ZNF282: variants seen among roughly 807,000 people sequenced by gnomAD.
ZNF282 encodes HTLV-I U5 repressive element-binding protein 1.
In ZNF282, 30 loss-of-function variants were observed where a neutral mutation model predicts 61.9. The observed-to-expected ratio is 0.48, with a 90% CI of 0.36 to 0.66. The LOEUF (loss-of-function observed/expected upper bound fraction) is 0.66. Ranked by LOEUF, ZNF282 falls within the 30% of genes least tolerant of loss-of-function variation. The pLI is 0.00. For missense variants in ZNF282, 788 were observed against 941.4 expected, an observed-to-expected ratio of 0.84 and a Z score of 2.13; for synonymous variants, 396 against 405.0, an observed-to-expected ratio of 0.98 and a Z score of 0.27.
At chr7:149,220,160 G>A (rs1245350354) in intron 7 of ZNF282, among the ~76,000 whole-genome samples, 3 of 152,206 alleles carry the variant, frequency 2.0e-5, no homozygotes, top group East Asian at 3.9e-4. Flanking sequence ...TGTAATCCCA[G>A]CACTTTGAGA....
rs1416667497 is a variant in ZNF282 at position 149,226,177 on chromosome 7, T to G, written c.*1530T>G. 1.3e-5 allele frequency: 2 copies of G among 152,692 alleles called. No homozygotes were observed. Among genetic ancestry groups the G allele is most frequent in the African/African-American group, 4.8e-5 (2 of 41,468 alleles). The allele number at this position is 152,692 out of a possible 1,614,324, so 9.5% of individuals were successfully genotyped here. A position where few individuals can be genotyped will look rare whatever the true frequency, so the allele number is the denominator to read the frequency against. On this transcript the variant is annotated 3_prime_UTR_variant, in exon 8 of 8. Transcript: ENST00000610704. ...AATAAAAGGTATCCAGATTGCAGAC[T>G]GCATGTTCACAGAGCTGGGGGTTCT...
In ZNF282 at chr7:149,198,482, T is replaced by A. The variant is rs1184881373; in HGVS notation, c.315T>A (p.Ile105=). The A allele has an allele frequency of 1.2e-6, 2 of 1,614,020 alleles. No homozygotes were observed. The highest frequency in any genetic ancestry group is 1.7e-6 in the Non-Finnish European group (2 of 1,180,028). Residue 105 remains isoleucine, a synonymous_variant, in exon 2 of 8, where the codon ATT becomes ATA. Transcript: ENST00000610704. This position sits in a 1 kb window ranked among gnomAD's most constrained non-coding sequence, Gnocchi z 4.3. ...EISLWTVVAA[I]QAVERKVDAQ... Reference sequence around the variant, plus strand: ...CACTCTGGACTGTGGTGGCTGCCATTCAGGCTGTGGAGAGGAAGGTGGATG... The same window carrying A: ...CACTCTGGACTGTGGTGGCTGCCATACAGGCTGTGGAGAGGAAGGTGGATG...
At chr7:149,205,485 T>C (rs1480365425) in intron 2 of ZNF282, among the ~76,000 whole-genome samples, 1 of 152,142 alleles carries the variant, frequency 6.6e-6, no homozygotes, top group African/African-American at 2.4e-5. Flanking sequence ...GGGATCTGTA[T>C]TAATTTTCCC....
chr7:149,217,755 C>T (rs1408588841), intron 7 of ZNF282, among the ~76,000 whole-genome samples: 2 of 151,962 alleles, frequency 1.3e-5, no homozygotes, highest in South Asian at 4.2e-4. Flanking sequence ...CGAGGGGAAG[C>T]GGTGCCTGAC....
intron 1 of ZNF282, among the ~76,000 whole-genome samples, chr7:149,196,968 C>T (rs184867201): frequency 6.6e-6 from 1 of 152,330 alleles, no homozygotes; most frequent in Non-Finnish European, 1.5e-5. Context: ...GCCTGAGGGC[C>T]TTTTCTGCAG....
At position 149,206,805 on chromosome 7, in the gene ZNF282, A is replaced by C; in HGVS notation, c.695A>C (p.Lys232Thr). The change falls in exon 3 of 8, where the codon AAA (lysine) becomes ACA (threonine). Residue 232 changes from lysine (K) to threonine (T), a missense_variant. Coordinates refer to ENST00000610704, the MANE Select transcript of ZNF282 (RefSeq NM_003575.4). ...AACAACCTTGTTAAGGAGAACTACA[A>C]AACCCTCATGTCCCTGGGTAAGGAC... ...LYNNLVKENY[K>T]TLMSLDAEGS... 1.2e-6 allele frequency: 2 copies of C among 1,614,166 alleles called. No individual in the cohort carries two copies. Among genetic ancestry groups the C allele is most frequent in the Non-Finnish European group, 1.7e-6 (2 of 1,180,024 alleles).
In ZNF282 at chr7:149,213,732, A is replaced by G. The variant is rs1563179113; in HGVS notation, c.1098A>G (p.Ser366=). 6.2e-7 allele frequency: 1 copy of G among 1,613,916 alleles called. No individual in the cohort carries two copies. The highest frequency in any genetic ancestry group is 8.5e-7 in the Non-Finnish European group (1 of 1,179,960). Residue 366 remains serine, a synonymous_variant, in exon 7 of 8, where the codon TCA becomes TCG. Coordinates refer to ENST00000610704, the MANE Select transcript of ZNF282 (RefSeq NM_003575.4). ...TCATCTCAGCACATGACATTTTGTC[A>G]TGGATCAAGCAGGAGGAGCAGCCAT... ...ESLISAHDIL[S]WIKQEEQPYP...
intron 2 of ZNF282, 90 bp from the exon 3 acceptor site, chr7:149,206,606 G>A: frequency 6.3e-7 from 1 of 1,585,730 alleles, no homozygotes; most frequent in Non-Finnish European, 8.6e-7. Context: ...CCGGGCTTTG[G>A]TGGGGAGTGG....
chr7:149,223,469 C>T lies in ZNF282; in HGVS notation c.1181-343C>T, dbSNP rs1054691068. On this transcript the variant is annotated intron_variant, in intron 7 of 7. Coordinates refer to ENST00000610704, the MANE Select transcript of ZNF282 (RefSeq NM_003575.4). ...TCTGGAAAAACAAACAAACAAAAAA[C>T]ATTGTCCATCAGACTGCAAGTAAGT... 9.2e-5 allele frequency among the ~76,000 whole-genome samples: 14 copies of T among 152,250 alleles called. 1 individual carries two copies. Among genetic ancestry groups the T allele is most frequent in the African/African-American group, 3.4e-4 (14 of 41,564 alleles).
intron 3 of ZNF282, 150 bp from the exon 4 acceptor site, chr7:149,207,201 C>CAAGGTTCTTCCTAAG: frequency 1.0e-6 from 1 of 1,000,678 alleles, no homozygotes; most frequent in Non-Finnish European, 1.4e-6. Context: ...GACTCGTTTT[C>CAAGGTTCTTCCTAAG]AGATTACCCG....
rs1372176304 is a variant in ZNF282 at position 149,224,911 on chromosome 7, C to T, written c.*264C>T. 4 of 537,956 alleles carry T rather than the reference C, an allele frequency of 7.4e-6. No individual in the cohort carries two copies. The highest frequency in any genetic ancestry group is 5.1e-4 in the Middle Eastern group (1 of 1,956). 33.3% of individuals were successfully genotyped at this position (537,956 alleles called of 1,614,324 possible). A position where few individuals can be genotyped will look rare whatever the true frequency, so the allele number is the denominator to read the frequency against. The stretch of plus-strand genomic sequence containing the variant: ...AGCGTCCTCGGGCACCGCCCTCACA[C>T]CTCCTCGAGTGCCCTGGGACCACTG... On this transcript the variant is annotated 3_prime_UTR_variant, in exon 8 of 8. Transcript: ENST00000610704.
intron 2 of ZNF282, among the ~76,000 whole-genome samples, chr7:149,204,847 G>A (rs762356477): frequency 1.1e-4 from 17 of 152,088 alleles, no homozygotes; most frequent in Non-Finnish European, 1.6e-4. Flanking sequence ...GGCTGGGCAC[G>A]GTGGCTCACG....
chr7:149,213,525 A>G (rs1796117199), intron 6 of ZNF282, among the ~76,000 whole-genome samples, 176 bp from the exon 7 acceptor site: 1 of 152,110 alleles, frequency 6.6e-6, no homozygotes, highest in African/African-American at 2.4e-5. Flanking sequence ...TCGAGCAGTG[A>G]GAGTCCATTT....
At position 149,210,649 on chromosome 7, in the gene ZNF282, T is replaced by C. The variant is rs1338815852; in HGVS notation, c.897T>C (p.Cys299=). 5.6e-6 allele frequency: 9 copies of C among 1,611,586 alleles called. No individual in the cohort carries two copies. Among genetic ancestry groups the C allele is most frequent in the Non-Finnish European group, 6.8e-6 (8 of 1,179,248 alleles). ...SSQVKREDTL[C]VRGQRGLEER... Reference sequence around the variant, plus strand: ...AGGTGAAGCGTGAGGACACCCTGTGTGTCCGGGGTCAGCGGGGCCTGGAGG... The same window carrying C: ...AGGTGAAGCGTGAGGACACCCTGTGCGTCCGGGGTCAGCGGGGCCTGGAGG... Residue 299 remains cysteine (C), a synonymous_variant, in exon 5 of 8, where the codon TGT becomes TGC. Transcript: ENST00000610704.
intron 6 of ZNF282, among the ~76,000 whole-genome samples, 176 bp downstream of exon 6, chr7:149,212,647 C>A (rs1481051447): frequency 6.6e-6 from 1 of 152,192 alleles, no homozygotes; most frequent in Non-Finnish European, 1.5e-5. Flanking sequence ...GTGGTGTGAT[C>A]TCAGCTCACC....
chr7:149,206,622 G>C, intron 2 of ZNF282, 74 bp from the exon 3 acceptor site: 1 of 1,602,236 alleles, frequency 6.2e-7, no homozygotes, highest in Non-Finnish European at 8.5e-7. Flanking sequence ...AGTGGGTCTT[G>C]TGGCCCGCAG....
chr7:149,196,071 C>T (rs543861043), intron 1 of ZNF282, among the ~76,000 whole-genome samples: 1 of 152,172 alleles, frequency 6.6e-6, no homozygotes, highest in East Asian at 1.9e-4. Flanking sequence ...GACCCTGTGG[C>T]TGAGCCCCGG....
intron 4 of ZNF282, among the ~76,000 whole-genome samples, chr7:149,209,916 A>AT (rs1796055456): frequency 6.6e-6 from 1 of 151,988 alleles, no homozygotes; most frequent in Non-Finnish European, 1.5e-5. Context: ...AACACAACCA[A>AT]TTTTTCTTTC....
Position 149,219,580 on chromosome 7 carries a change from C to T in ZNF282, c.1181-4232C>T, listed in dbSNP as rs540422288. On this transcript the variant is annotated intron_variant, in intron 7 of 7. Transcript: ENST00000610704. ...TTTCAATGGAGGTTGGGTGTGGTGGCTCACACCTGTAATCTCAGCACTTTG... is the reference window on the plus strand; with the variant it reads ...TTTCAATGGAGGTTGGGTGTGGTGGTTCACACCTGTAATCTCAGCACTTTG... Among the ~76,000 whole-genome samples the T allele has an allele frequency of 2.0e-5, 3 of 152,296 alleles. No individual in the cohort carries two copies. In the East Asian group the frequency reaches 5.8e-4, roughly 29 times the overall value.
Sources: gnomAD v4.1 joint callset for allele counts (sites outside exome capture counted in the v4.1 genomes callset) on GRCh38, gnomAD v4.1.1 for gene constraint, Gnocchi (gnomAD v3.1) non-coding constraint, MANE v1.5 for transcripts, NCBI Gene and HGNC (gene_info 2026-07-23, HGNC 2026-07-21) for gene names.